Variants in MACROD2 observed in about 807,000 individuals in gnomAD.
The protein encoded by MACROD2 is ADP-ribose glycohydrolase MACROD2.
In MACROD2, 36 loss-of-function variants were observed where a neutral mutation model predicts 70.4. The observed-to-expected ratio is 0.51, with a 90% CI of 0.39 to 0.68. MACROD2 has a LOEUF of 0.68. Ranked by LOEUF, MACROD2 falls within the 30% of genes least tolerant of loss-of-function variation. MACROD2 has a pLI of 0.00. For missense variants in MACROD2, 496 were observed against 538.4 expected (o/e 0.92, Z 0.78); for synonymous variants, 172 against 178.8 (o/e 0.96, Z 0.30).
chr20:15,221,545 A>G (rs535583957), intron 5 of MACROD2, among the ~76,000 whole-genome samples: 3 of 152,186 alleles, frequency 2.0e-5, no homozygotes, highest in Non-Finnish European at 2.9e-5. Flanking sequence ...ATGAGTTTCA[A>G]TCTGTGTTAT....
At chr20:15,563,381 T>C (rs1484920474) in intron 8 of MACROD2, among the ~76,000 whole-genome samples, 1 of 152,280 alleles carries the variant, frequency 6.6e-6, no homozygotes, top group East Asian at 1.9e-4. Context: ...TCCAGTCCAG[T>C]AGAGATGAAT....
At chr20:15,869,265 A>AGAGAGAGAGAGAGAGAGC (rs1322416478) in intron 9 of MACROD2, among the ~76,000 whole-genome samples, 7 of 141,898 alleles carry the variant, frequency 4.9e-5, no homozygotes, top group African/African-American at 1.5e-4. Flanking sequence ...AGAGAGAGAG[A>AGAGAGAGAGAGAGAGAGC]GAGCAATGCT....
intron 3 of MACROD2, among the ~76,000 whole-genome samples, chr20:14,406,826 A>G (rs986806432): frequency 6.6e-6 from 1 of 152,198 alleles, no homozygotes; most frequent in African/African-American, 2.4e-5. Flanking sequence ...AATCATTGAC[A>G]TTTCAGAAGC....
At chr20:14,618,424 A>G (rs1248028792) in intron 4 of MACROD2, among the ~76,000 whole-genome samples, 1 of 152,140 alleles carries the variant, frequency 6.6e-6, no homozygotes, top group Non-Finnish European at 1.5e-5. Context: ...CCTGTGTTAG[A>G]GATAATTATA....
At chr20:15,553,463 C>G (rs1329304407) in intron 8 of MACROD2, among the ~76,000 whole-genome samples, 1 of 152,136 alleles carries the variant, frequency 6.6e-6, no homozygotes, top group African/African-American at 2.4e-5. Flanking sequence ...ACTCTGTCAC[C>G]CAGGCTGGAA....
chr20:15,127,305 C>G (rs1404876746), intron 5 of MACROD2, among the ~76,000 whole-genome samples: 1 of 152,090 alleles, frequency 6.6e-6, no homozygotes. Flanking sequence ...TCAACCCAAA[C>G]TATTCCAGAG....
intron 8 of MACROD2, among the ~76,000 whole-genome samples, chr20:15,771,546 A>T (rs562682722): frequency 3.7e-4 from 54 of 145,102 alleles, no homozygotes; most frequent in African/African-American, 1.3e-3. Context: ...TTTTCTATTT[A>T]AAAAAAAAAA....
intron 6 of MACROD2, among the ~76,000 whole-genome samples, chr20:15,273,417 C>CATATATATATAT (rs59038211): frequency 6.8e-6 from 1 of 147,648 alleles, no homozygotes; most frequent in African/African-American, 2.5e-5. Flanking sequence ...AACTCCCCTC[C>CATATATATATAT]ATATATATAT....
At chr20:14,588,142 T>C (rs933599161) in intron 4 of MACROD2, among the ~76,000 whole-genome samples, 1 of 152,160 alleles carries the variant, frequency 6.6e-6, no homozygotes, top group African/African-American at 2.4e-5. Flanking sequence ...AATGATTTTA[T>C]AGAACCTGCT....
At chr20:15,013,977 A>G (rs1028384625) in intron 5 of MACROD2, among the ~76,000 whole-genome samples, 2 of 152,202 alleles carry the variant, frequency 1.3e-5, no homozygotes, top group African/African-American at 4.8e-5. Context: ...AGTGAAAGCC[A>G]TGGCCATGGC....
chr20:14,957,925 T>C (rs1233839454), intron 5 of MACROD2, among the ~76,000 whole-genome samples: 1 of 151,634 alleles, frequency 6.6e-6, no homozygotes, highest in Non-Finnish European at 1.5e-5. Flanking sequence ...ATAGAAGTTA[T>C]ATTGGCTCAT....
chr20:14,187,139 G>GAAAAAAAAAAAAAAAAA (rs71335951), intron 3 of MACROD2, among the ~76,000 whole-genome samples: 2 of 112,974 alleles, frequency 1.8e-5, no homozygotes, highest in African/African-American at 6.8e-5. Context: ...TTTAAAAAAG[G>GAAAAAAAAAAAAAAAAA]AAAAAAAAAA....
chr20:15,881,051 A>G (rs1243305665), intron 9 of MACROD2, among the ~76,000 whole-genome samples: 2 of 151,960 alleles, frequency 1.3e-5, no homozygotes, highest in Non-Finnish European at 2.9e-5. Flanking sequence ...GCTTTTCTAT[A>G]TCGTCCACTT....
intron 2 of MACROD2, among the ~76,000 whole-genome samples, chr20:14,008,515 A>C (rs1456203655): frequency 6.6e-6 from 1 of 152,234 alleles, no homozygotes; most frequent in Non-Finnish European, 1.5e-5. Context: ...GATAGGAAGA[A>C]TCAATATTAC....
chr20:14,787,472 G>A (rs991108271), intron 5 of MACROD2, among the ~76,000 whole-genome samples: 3 of 152,104 alleles, frequency 2.0e-5, no homozygotes, highest in African/African-American at 7.2e-5. Context: ...GCGAAGGTAA[G>A]TTGACAGGAC....
chr20:15,031,282 G>A (rs2075272316), intron 5 of MACROD2, among the ~76,000 whole-genome samples: 1 of 152,216 alleles, frequency 6.6e-6, no homozygotes, highest in Admixed American at 6.5e-5. Context: ...CTAGGTCTGA[G>A]CTCCCCAAAG....
chr20:15,253,279 T>C (rs1568670186), intron 6 of MACROD2, among the ~76,000 whole-genome samples: 1 of 152,162 alleles, frequency 6.6e-6, no homozygotes, highest in African/African-American at 2.4e-5. Flanking sequence ...GACAGCAAAA[T>C]TGCATAGTTG....
At chr20:14,641,049 A>T (rs1985061520) in intron 4 of MACROD2, among the ~76,000 whole-genome samples, 1 of 152,220 alleles carries the variant, frequency 6.6e-6, no homozygotes, top group Non-Finnish European at 1.5e-5. Flanking sequence ...CTTCTTTCAA[A>T]ATTTGTATCA....
chr20:14,671,188 T>G (rs190378271), intron 4 of MACROD2, among the ~76,000 whole-genome samples: 1 of 152,302 alleles, frequency 6.6e-6, no homozygotes, highest in Non-Finnish European at 1.5e-5. Context: ...TGACATTTTC[T>G]TTGATTTAGA....
Sources: allele counts gnomAD v4.1 joint callset (sites outside exome capture counted in the v4.1 genomes callset), GRCh38; gene constraint gnomAD v4.1.1; transcripts MANE v1.5; gene names NCBI Gene and HGNC (gene_info 2026-07-23, HGNC 2026-07-21).